Variants in TLK2 observed in about 807,000 individuals in gnomAD.
The protein encoded by TLK2 is serine/threonine-protein kinase tousled-like 2.
A neutral mutation model predicts 117.3 loss-of-function variants in TLK2; 6 were observed. That is an observed-to-expected ratio of 0.05 (90% CI 0.03 to 0.10). TLK2 has a LOEUF of 0.10. Among genes scored for constraint, TLK2 ranks in the 10% least tolerant of loss-of-function variants. The pLI is 1.00. For missense variants in TLK2, 299 were observed against 901.2 expected (o/e 0.33, Z 8.56); for synonymous variants, 257 against 316.7 (o/e 0.81, Z 2.00).
chr17:62,483,846 GAC>G (rs996926660), intron 2 of TLK2, among the ~76,000 whole-genome samples: 2 of 150,834 alleles, frequency 1.3e-5, no homozygotes, highest in African/African-American at 2.4e-5. Flanking sequence ...TTTTTTTTGA[GAC>G]AGAGTTTTGC....
At chr17:62,522,766 A>G (rs928336427) in intron 4 of TLK2, among the ~76,000 whole-genome samples, 1 of 152,188 alleles carries the variant, frequency 6.6e-6, no homozygotes, top group Non-Finnish European at 1.5e-5. Flanking sequence ...AGAAAGAAAA[A>G]ATGGCTTGGC....
intron 6 of TLK2, among the ~76,000 whole-genome samples, chr17:62,533,902 CT>C (rs1184456534): frequency 6.6e-6 from 1 of 152,030 alleles, no homozygotes; most frequent in East Asian, 1.9e-4. Context: ...CTTCTTTTCC[CT>C]TTTTTTCTAA....
chr17:62,606,848 A>G (rs904463301), intron 20 of TLK2, among the ~76,000 whole-genome samples: 2 of 152,028 alleles, frequency 1.3e-5, no homozygotes, highest in African/African-American at 4.8e-5. Context: ...TTATGTTCCT[A>G]TTGCTGTTTT....
chr17:62,504,929 C>T (rs566091697), intron 2 of TLK2, among the ~76,000 whole-genome samples: 6 of 152,204 alleles, frequency 3.9e-5, no homozygotes, highest in East Asian at 1.9e-4. Flanking sequence ...CTGCAACCTC[C>T]GCCTCGCAGT....
At chr17:62,611,542 C>A (rs1182136917) in intron 21 of TLK2, among the ~76,000 whole-genome samples, 1 of 152,218 alleles carries the variant, frequency 6.6e-6, no homozygotes, top group Non-Finnish European at 1.5e-5. Flanking sequence ...CCAGAGCAGT[C>A]CATTCGAGAG....
intron 15 of TLK2, among the ~76,000 whole-genome samples, chr17:62,583,760 G>A (rs1485205974): frequency 6.6e-6 from 1 of 151,608 alleles, no homozygotes; most frequent in African/African-American, 2.4e-5. Context: ...GTATTTTTTG[G>A]TAGAGACGGG....
intron 12 of TLK2, 88 bp from the exon 13 acceptor site, chr17:62,576,621 T>C: frequency 1.0e-6 from 1 of 981,792 alleles, no homozygotes; most frequent in South Asian, 1.3e-5. Context: ...AAACTGAATA[T>C]GTCTTATAGT....
Position 62,533,378 on chromosome 17 carries a change from G to T in TLK2, c.364-2792G>T, listed in dbSNP as rs1230298645. On this transcript the variant is annotated intron_variant, in intron 6 of 21. Transcript: ENST00000346027. The stretch of plus-strand genomic sequence containing the variant: ...GTATTCCTATACGGGGTGTGTGTGT[G>T]TGTGTGTGTGTGTCTGTGTGTGTGT... Among the ~76,000 whole-genome samples, 3 of 144,914 alleles carry T rather than the reference G, an allele frequency of 2.1e-5. No individual in the cohort carries two copies. In the East Asian group the frequency reaches 5.9e-4, roughly 29 times the overall value.
intron 7 of TLK2, among the ~76,000 whole-genome samples, chr17:62,542,484 T>G (rs1567883741): frequency 6.6e-6 from 1 of 152,208 alleles, no homozygotes; most frequent in Non-Finnish European, 1.5e-5. Context: ...CACCCAGTCT[T>G]TCTTTCTTTT....
At chr17:62,607,722 G>A (rs2083422213) in intron 20 of TLK2, among the ~76,000 whole-genome samples, 1 of 152,134 alleles carries the variant, frequency 6.6e-6, no homozygotes, top group East Asian at 1.9e-4. Context: ...GAGCAGGTGA[G>A]GTTGCTGGGT....
Position 62,560,348 on chromosome 17 carries a change from A to G in TLK2, c.831+222A>G, listed in dbSNP as rs536452068. ...TGCTGTGCATTGCTTTGAGTGTGAT[A>G]TTGAACAGAGACAGCTTGTCCTAGT... On this transcript the variant is annotated intron_variant, in intron 10 of 21. Coordinates refer to ENST00000346027, the MANE Select transcript of TLK2 (RefSeq NM_006852.6). The G allele has an allele frequency of 6.6e-5, 18 of 273,638 alleles. 1 individual carries two copies. In the South Asian group the frequency reaches 1.2e-3, roughly 18 times the overall value. 17.0% of individuals were successfully genotyped at this position (273,638 alleles called of 1,614,324 possible).
chr17:62,483,569 C>T (rs1440440598), intron 2 of TLK2, among the ~76,000 whole-genome samples: 1 of 152,242 alleles, frequency 6.6e-6, no homozygotes, highest in African/African-American at 2.4e-5. Context: ...GTGGCACGAT[C>T]TCGGCTCACC....
At chr17:62,562,276 C>T (rs1277637687) in intron 10 of TLK2, among the ~76,000 whole-genome samples, 1 of 152,162 alleles carries the variant, frequency 6.6e-6, no homozygotes, top group East Asian at 1.9e-4. Context: ...ACGAGAATCA[C>T]TTGAACCTGG....
chr17:62,515,100 C>G (rs1362369935), intron 2 of TLK2, among the ~76,000 whole-genome samples: 1 of 152,148 alleles, frequency 6.6e-6, no homozygotes, highest in Non-Finnish European at 1.5e-5. Context: ...TTATAGGTGC[C>G]TCATCTATCA....
chr17:62,568,300 C>T (rs1487492375), intron 11 of TLK2, among the ~76,000 whole-genome samples: 1 of 151,760 alleles, frequency 6.6e-6, no homozygotes, highest in African/African-American at 2.4e-5. Flanking sequence ...GGCATGGTGA[C>T]ACACGCCTGT....
At chr17:62,530,566 AACACTGTTT>A (rs1328197271) in intron 6 of TLK2, among the ~76,000 whole-genome samples, 1 of 152,174 alleles carries the variant, frequency 6.6e-6, no homozygotes, top group Non-Finnish European at 1.5e-5. Flanking sequence ...ATGTCCCCAG[AACACTGTTT>A]ACTCTGCTAC....
chr17:62,555,522 G>A (rs1445063982), intron 9 of TLK2, among the ~76,000 whole-genome samples: 4 of 143,614 alleles, frequency 2.8e-5, no homozygotes, highest in African/African-American at 7.8e-5. Flanking sequence ...TTGCTCTGTC[G>A]CCCAGGCTGA....
Position 62,496,547 on chromosome 17 carries a change from A to ACAGG in TLK2, c.81+15344_81+15347dup, listed in dbSNP as rs1367197614. On this transcript the variant is annotated intron_variant, in intron 2 of 21. Transcript: ENST00000346027. ...CATAGTCAAGTATGGCAAGGGGTGG[A>ACAGG]CAGGCATCAGGGTCCTTGAACTCTG... is the stretch of plus-strand genomic sequence containing the variant. Among the ~76,000 whole-genome samples the ACAGG allele has an allele frequency of 3.9e-5, 6 of 152,172 alleles. No individual in the cohort carries two copies. In the East Asian group the frequency reaches 1.2e-3, roughly 29 times the overall value.
At chr17:62,500,419 G>A (rs1355077701) in intron 2 of TLK2, among the ~76,000 whole-genome samples, 1 of 152,160 alleles carries the variant, frequency 6.6e-6, no homozygotes, top group African/African-American at 2.4e-5. Flanking sequence ...ACGAAAGAAG[G>A]ATCAATTTTT....
Sources: allele counts gnomAD v4.1 joint callset (sites outside exome capture counted in the v4.1 genomes callset), GRCh38; gene constraint gnomAD v4.1.1; transcripts MANE v1.5; gene names NCBI Gene and HGNC (gene_info 2026-07-23, HGNC 2026-07-21).